Variants in ZNF521 observed in about 807,000 individuals in gnomAD.
ZNF521 encodes zinc finger protein 521, also known as LYST-interacting protein 3.
In ZNF521, 14 loss-of-function variants were observed where a neutral mutation model predicts 105.5. The ratio of observed to expected loss-of-function variants is 0.13; its 90% CI spans 0.09 to 0.21. The LOEUF (loss-of-function observed/expected upper bound fraction) is 0.21, where lower values mean the gene tolerates loss of function less well. Among genes scored for constraint, ZNF521 ranks in the 10% least tolerant of loss-of-function variants. ZNF521 has a pLI of 1.00. For missense variants in ZNF521, 1,233 were observed against 1,629.7 expected (o/e 0.76, Z 4.19); for synonymous variants, 635 against 606.0 (o/e 1.05, Z -0.70).
At chr18:25,242,259 G>A (rs144232040) in intron 3 of ZNF521, among the ~76,000 whole-genome samples, 2 of 152,160 alleles carry the variant, frequency 1.3e-5, no homozygotes, top group Non-Finnish European at 2.9e-5. Context: ...CCACATCCCC[G>A]ATCTCTTCTG....
At chr18:25,133,596 A>G (rs1291286652) in intron 5 of ZNF521, among the ~76,000 whole-genome samples, 9 of 152,218 alleles carry the variant, frequency 5.9e-5, no homozygotes, top group Admixed American at 5.9e-4. Flanking sequence ...AATGGAGACT[A>G]CTGTGTATCT....
At chr18:25,157,318 A>T (rs1440334730) in intron 5 of ZNF521, among the ~76,000 whole-genome samples, 1 of 152,248 alleles carries the variant, frequency 6.6e-6, no homozygotes, top group Non-Finnish European at 1.5e-5. Context: ...ATGTCTGTTT[A>T]AAAAAGTCTA....
chr18:25,286,950 T>A (rs530578479), intron 3 of ZNF521, among the ~76,000 whole-genome samples: 1 of 152,336 alleles, frequency 6.6e-6, no homozygotes, highest in East Asian at 1.9e-4. Flanking sequence ...GGACTTATAT[T>A]TGCTGAAGAC....
At chr18:25,303,543 G>A (rs947014001) in intron 3 of ZNF521, among the ~76,000 whole-genome samples, 97 of 152,152 alleles carry the variant, frequency 6.4e-4, no homozygotes, top group African/African-American at 2.1e-3. Flanking sequence ...TGATCTGCCC[G>A]TCTCGGCCTC....
intron 3 of ZNF521, among the ~76,000 whole-genome samples, chr18:25,293,046 T>C (rs1377145521): frequency 6.6e-6 from 1 of 152,196 alleles, no homozygotes; most frequent in Non-Finnish European, 1.5e-5. Flanking sequence ...GGTTTTCCCA[T>C]ATATATTCTG....
rs140079041 is a variant in ZNF521, at chr18:25,093,412, G to A, written c.3659-1331C>T. On this transcript the variant is annotated intron_variant, in intron 5 of 7. Transcript: ENST00000361524. ...CTAGGTCTAGGGAATGAAAGACACCGTCACACTACAAGGGTAACAAGTCTA... is the reference window on the plus strand; with the variant it reads ...CTAGGTCTAGGGAATGAAAGACACCATCACACTACAAGGGTAACAAGTCTA... 3.0e-3 allele frequency among the ~76,000 whole-genome samples: 450 copies of A among 152,188 alleles called. 4 individuals are homozygous for A. The highest frequency in any genetic ancestry group is 0.01 in the African/African-American group (423 of 41,510).
intron 5 of ZNF521, among the ~76,000 whole-genome samples, chr18:25,168,140 T>C (rs938987190): frequency 2.0e-5 from 3 of 152,152 alleles, no homozygotes; most frequent in Non-Finnish European, 2.9e-5. Context: ...GCAATTCACC[T>C]GCCTCTGGTG....
At chr18:25,153,092 T>C (rs906551375) in intron 5 of ZNF521, among the ~76,000 whole-genome samples, 1 of 152,214 alleles carries the variant, frequency 6.6e-6, no homozygotes, top group Non-Finnish European at 1.5e-5. Flanking sequence ...TATTTTCTAA[T>C]GGTGCTGATG....
At chr18:25,249,763 T>C (rs1264326113) in intron 3 of ZNF521, among the ~76,000 whole-genome samples, 1 of 152,156 alleles carries the variant, frequency 6.6e-6, no homozygotes, top group East Asian at 1.9e-4. Context: ...TTCCTGGTCT[T>C]CTTTACTTTC....
At chr18:25,326,888 T>C (rs1364515664) in intron 2 of ZNF521, among the ~76,000 whole-genome samples, 1 of 152,190 alleles carries the variant, frequency 6.6e-6, no homozygotes, top group Non-Finnish European at 1.5e-5. Flanking sequence ...TCCTAACAGT[T>C]TGTTCTCTGA....
intron 2 of ZNF521, among the ~76,000 whole-genome samples, chr18:25,330,640 A>G (rs1913514516): frequency 6.6e-6 from 1 of 152,204 alleles, no homozygotes; most frequent in Non-Finnish European, 1.5e-5. Flanking sequence ...ATTGATTCTA[A>G]TATCTCTTTC....
chr18:25,128,484 AT>A (rs1265206961), intron 5 of ZNF521, among the ~76,000 whole-genome samples: 1 of 152,008 alleles, frequency 6.6e-6, no homozygotes, highest in Non-Finnish European at 1.5e-5. Context: ...AAGATAAAAA[AT>A]ATACAGACTG....
At chr18:25,325,910 G>A (rs569712338) in intron 2 of ZNF521, among the ~76,000 whole-genome samples, 5 of 152,068 alleles carry the variant, frequency 3.3e-5, no homozygotes, top group Admixed American at 6.5e-5. Flanking sequence ...TCTTTTCTTC[G>A]TCTCATCCTC....
intron 5 of ZNF521, among the ~76,000 whole-genome samples, chr18:25,116,071 A>G (rs564490588): frequency 8.5e-5 from 13 of 152,302 alleles, no homozygotes; most frequent in South Asian, 8.3e-4. Flanking sequence ...GGGTGGCTCA[A>G]GAACAATGGG....
At chr18:25,326,454 C>T (rs1913228010) in intron 2 of ZNF521, among the ~76,000 whole-genome samples, 1 of 152,218 alleles carries the variant, frequency 6.6e-6, no homozygotes, top group Non-Finnish European at 1.5e-5. Flanking sequence ...AAAACTCTGT[C>T]GCTCTCTGCT....
At chr18:25,334,630 T>C (rs1913769031) in intron 2 of ZNF521, among the ~76,000 whole-genome samples, 1 of 152,246 alleles carries the variant, frequency 6.6e-6, no homozygotes, top group Non-Finnish European at 1.5e-5. Context: ...CCACCTTTTA[T>C]TGTAGATAAT....
intron 3 of ZNF521, among the ~76,000 whole-genome samples, chr18:25,317,850 G>A (rs551673186): frequency 5.3e-5 from 8 of 152,236 alleles, no homozygotes; most frequent in African/African-American, 1.7e-4. Flanking sequence ...AAGTACGTAC[G>A]ACAACCAGAA....
intron 5 of ZNF521, among the ~76,000 whole-genome samples, chr18:25,152,790 C>CT (rs1385610398): frequency 1.3e-5 from 2 of 152,078 alleles, no homozygotes; most frequent in Non-Finnish European, 2.9e-5. Flanking sequence ...AATTTAATCT[C>CT]TTTTTTTCTG....
Position 25,062,752 on chromosome 18 carries a change from C to CAAAAAAAA in ZNF521, c.3907-19_3907-12dup, listed in dbSNP as rs10540123. On this transcript the variant is annotated splice_polypyrimidine_tract_variant and intron_variant, in intron 7 of 7. Transcript: ENST00000361524. The stretch of plus-strand genomic sequence containing the variant: ...GGTCATTGTATGATTCTGTAAATAA[C>CAAAAAAAA]AAAAAAAAAAAAAAAAAAAAAAAAA... The CAAAAAAAA allele has an allele frequency of 4.2e-3, 1,540 of 365,002 alleles. 79 individuals are homozygous for CAAAAAAAA. The highest frequency in any genetic ancestry group is 6.4e-3 in the South Asian group (193 of 30,054). The allele number at this position is 365,002 out of a possible 1,614,324, so 22.6% of individuals were successfully genotyped here.
Sources: gnomAD v4.1 joint callset for allele counts (sites outside exome capture counted in the v4.1 genomes callset) on GRCh38, gnomAD v4.1.1 for gene constraint, MANE v1.5 for transcripts, NCBI Gene and HGNC (gene_info 2026-07-23, HGNC 2026-07-21) for gene names.